RAPGEF1: variants seen among roughly 807,000 people sequenced by gnomAD.
The protein encoded by RAPGEF1 is CRK SH3-binding GNRP.
RAPGEF1 carries 33 observed loss-of-function variants against 143.3 expected under a neutral mutation model. The observed-to-expected ratio is 0.23, with a 90% CI of 0.17 to 0.31. RAPGEF1 has a LOEUF of 0.31. RAPGEF1 is among the 10% of genes least tolerant of loss of function. The probability of loss-of-function intolerance (pLI) is 1.00; values close to 1 mark genes in which losing one functional copy is unlikely to be tolerated. For synonymous variants in RAPGEF1, 629 were observed against 676.5 expected (o/e 0.93, Z 1.09); for missense variants, 1,199 against 1,645.4 (o/e 0.73, Z 4.69).
intron 1 of RAPGEF1, among the ~76,000 whole-genome samples, chr9:131,725,866 C>G (rs1157145739): frequency 6.7e-6 from 1 of 149,738 alleles, no homozygotes; most frequent in Non-Finnish European, 1.5e-5. Flanking sequence ...TCATGCCATT[C>G]TCCTGCCTCA....
chr9:131,689,626 C>T (rs940254463), intron 1 of RAPGEF1, among the ~76,000 whole-genome samples: 7 of 152,100 alleles, frequency 4.6e-5, no homozygotes, highest in African/African-American at 1.7e-4. Flanking sequence ...GCAACCTCTG[C>T]CTCCTGGGTT....
At chr9:131,664,615 T>C (rs1830138183) in intron 1 of RAPGEF1, among the ~76,000 whole-genome samples, 1 of 152,206 alleles carries the variant, frequency 6.6e-6, no homozygotes, top group Non-Finnish European at 1.5e-5. Context: ...TATCCTACAA[T>C]AAACACAAAA....
intron 1 of RAPGEF1, among the ~76,000 whole-genome samples, chr9:131,722,587 C>T (rs1223950478): frequency 1.3e-5 from 2 of 152,230 alleles, no homozygotes; most frequent in African/African-American, 2.4e-5. Flanking sequence ...CCAGGGACTT[C>T]CATCGGCCCC....
At chr9:131,581,579 G>A (rs1266395203) in intron 25 of RAPGEF1, among the ~76,000 whole-genome samples, 2 of 152,004 alleles carry the variant, frequency 1.3e-5, no homozygotes, top group African/African-American at 4.8e-5. Context: ...CATGCCTGTA[G>A]TCCCATCGAC....
intron 22 of RAPGEF1, among the ~76,000 whole-genome samples, chr9:131,585,362 A>AGCT (rs10657349): frequency 2.0e-5 from 3 of 146,364 alleles, no homozygotes; most frequent in Admixed American, 6.7e-5. Context: ...AATTTTTTGT[A>AGCT]GGGGGGGGGC....
At chr9:131,687,521 C>T (rs1466711882) in intron 1 of RAPGEF1, among the ~76,000 whole-genome samples, 7 of 152,150 alleles carry the variant, frequency 4.6e-5, no homozygotes, top group Admixed American at 2.0e-4. Context: ...TTCACTCCTC[C>T]CCAAAAGTCT....
rs1967977944 is a variant in RAPGEF1 at position 131,641,551 on chromosome 9, T to C, written c.494+1688A>G. Among the ~76,000 whole-genome samples, 1 of 152,228 alleles carries C rather than the reference T, an allele frequency of 6.6e-6. No individual in the cohort carries two copies. Among genetic ancestry groups the C allele is most frequent in the African/African-American group, 2.4e-5 (1 of 41,460 alleles). On this transcript the variant is annotated intron_variant, in intron 4 of 26. Coordinates refer to ENST00000683357, the MANE Select transcript of RAPGEF1 (RefSeq NM_001377935.1). This position sits in a 1 kb window ranked among gnomAD's most constrained non-coding sequence, Gnocchi z 4.6. Reference sequence around the variant, plus strand: ...CTTCCTCCCTGTACCGTAAAATAAGTGCTTTATCGTAGAACAGAGGGAGCT... The same window carrying C: ...CTTCCTCCCTGTACCGTAAAATAAGCGCTTTATCGTAGAACAGAGGGAGCT...
chr9:131,602,159 G>A lies in RAPGEF1; in HGVS notation c.2413-10C>T, dbSNP rs372876737. The stretch of plus-strand genomic sequence containing the variant: ...TCCCAGCCGGTGGCTCCTGGAAAGA[G>A]GAGTGGGTGCTGAGTTCTGGACAGG... On this transcript the variant is annotated splice_polypyrimidine_tract_variant and intron_variant, in intron 14 of 26. Coordinates refer to ENST00000683357, the MANE Select transcript of RAPGEF1 (RefSeq NM_001377935.1). 1 of 1,571,732 alleles carries A rather than the reference G, an allele frequency of 6.4e-7. No individual in the cohort carries two copies. Among genetic ancestry groups the A allele is most frequent in the East Asian group, 2.4e-5 (1 of 42,490 alleles).
chr9:131,677,570 T>C (rs1443363642), intron 1 of RAPGEF1, among the ~76,000 whole-genome samples: 2 of 152,236 alleles, frequency 1.3e-5, no homozygotes, highest in African/African-American at 4.8e-5. Flanking sequence ...TAGCAGTCCA[T>C]TTTGCTTCAG....
intron 1 of RAPGEF1, among the ~76,000 whole-genome samples, chr9:131,714,048 G>A (rs1019054549): frequency 2.6e-5 from 4 of 151,864 alleles, no homozygotes; most frequent in Non-Finnish European, 4.4e-5. Context: ...TGTACCTCAG[G>A]AATAATTTTT....
intron 1 of RAPGEF1, among the ~76,000 whole-genome samples, chr9:131,684,018 T>C (rs1009205094): frequency 1.3e-5 from 2 of 152,260 alleles, no homozygotes; most frequent in African/African-American, 4.8e-5. Flanking sequence ...TAATGAAATA[T>C]CTAATGCTAG....
In RAPGEF1 at chr9:131,579,581, A is replaced by T; in HGVS notation, c.3708T>A (p.Ala1236=). The change falls in exon 27 of 27, where the codon GCT becomes GCA. Residue 1236 remains alanine, a synonymous_variant. Transcript: ENST00000683357. ...NFFNDFSDHL[A]EEALWELSLK... ...GAGACAGTTCCCATAGGGCCTCCTC[A>T]GCCAGGTGGTCACTGAAGTCATTGA... 6.2e-7 allele frequency: 1 copy of T among 1,614,034 alleles called. No individual in the cohort carries two copies. Among genetic ancestry groups the T allele is most frequent in the South Asian group, 1.1e-5 (1 of 91,092 alleles).
chr9:131,597,069 C>G lies in RAPGEF1; in HGVS notation c.2614-696G>C, dbSNP rs577781653. ...AGCGTAGAGCCAAAAAGAGCTGTGACTAGGGCCAGGAACAGAGGTCCAGGA... is the reference window on the plus strand; with the variant it reads ...AGCGTAGAGCCAAAAAGAGCTGTGAGTAGGGCCAGGAACAGAGGTCCAGGA... On this transcript the variant is annotated intron_variant, in intron 16 of 26. Coordinates refer to ENST00000683357, the MANE Select transcript of RAPGEF1 (RefSeq NM_001377935.1). Among the ~76,000 whole-genome samples, 24 of 152,368 alleles carry G rather than the reference C, an allele frequency of 1.6e-4. No homozygotes were observed. The South Asian group carries it at 4.8e-3, about 30-fold the overall frequency.
In RAPGEF1 at chr9:131,579,353, C is replaced by A; in HGVS notation, c.*144G>T. 8.3e-7 allele frequency: 1 copy of A among 1,206,266 alleles called. No homozygotes were observed. The highest frequency in any genetic ancestry group is 1.5e-5 in the South Asian group (1 of 65,948). 74.7% of individuals were successfully genotyped at this position (1,206,266 alleles called of 1,614,324 possible). On this transcript the variant is annotated 3_prime_UTR_variant, in exon 27 of 27. Transcript: ENST00000683357. The stretch of plus-strand genomic sequence containing the variant: ...GAAGCGGCTGGCAGGCTCCAGCTCC[C>A]GCCCGGCCCCGCTGAGGGCTGGCCA...
chr9:131,665,281 C>T (rs370497693), intron 1 of RAPGEF1, among the ~76,000 whole-genome samples: 17 of 152,172 alleles, frequency 1.1e-4, no homozygotes, highest in African/African-American at 4.1e-4. Flanking sequence ...GTAAACAGGA[C>T]ATTTCACCCT....
Position 131,676,214 on chromosome 9 carries a change from G to A in RAPGEF1, c.62-25265C>T, listed in dbSNP as rs189976656. ...AACCTCCTTCTGCCCAAACTGAACA[G>A]CTTCTGAGGTGGGCATGGGCAGCCG... On this transcript the variant is annotated intron_variant, in intron 1 of 26. Coordinates refer to ENST00000683357, the MANE Select transcript of RAPGEF1 (RefSeq NM_001377935.1). 9.7e-3 allele frequency among the ~76,000 whole-genome samples: 1,476 copies of A among 152,310 alleles called. 25 individuals carry two copies. The highest frequency in any genetic ancestry group is 0.012 in the Non-Finnish European group (831 of 68,026).
chr9:131,627,976 G>A lies in RAPGEF1; in HGVS notation c.1138C>T (p.Gln380Ter). 1 of 1,592,506 alleles carries A rather than the reference G, an allele frequency of 6.3e-7. No homozygotes were observed. Among genetic ancestry groups the A allele is most frequent in the Non-Finnish European group, 8.6e-7 (1 of 1,169,582 alleles). The change falls in exon 9 of 27, where the codon CAG (glutamine) becomes TAG (stop). Residue 380 changes from glutamine to a stop codon, truncating the protein, a stop_gained. Transcript: ENST00000683357. LOFTEE classifies it high-confidence loss of function. ...CTGTCCCTGTCCAGAGAGGACAGCT[G>A]CTCGTCTGACTTGCTGAGCTTGCCT... is the stretch of plus-strand genomic sequence containing the variant. ...SIGKLSKSDE[Q>*]LSSLDRDSGQ... is the part of the protein sequence containing the mutation.
Position 131,587,846 on chromosome 9 carries a change from A to C in RAPGEF1, c.3139-16T>G. ...CCTCAGGAATCTACAAAAGGAAAGA[A>C]GGCAGATGGAGGTGGAGCCCCGGCT... On this transcript the variant is annotated splice_polypyrimidine_tract_variant and intron_variant, in intron 21 of 26. Coordinates refer to ENST00000683357, the MANE Select transcript of RAPGEF1 (RefSeq NM_001377935.1). 6.2e-7 allele frequency: 1 copy of C among 1,611,200 alleles called. No homozygotes were observed. Among genetic ancestry groups the C allele is most frequent in the East Asian group, 2.2e-5 (1 of 44,840 alleles).
chr9:131,717,807 C>CG (rs1391677551), intron 1 of RAPGEF1, among the ~76,000 whole-genome samples: 1 of 141,242 alleles, frequency 7.1e-6, no homozygotes, highest in Non-Finnish European at 1.5e-5. Context: ...GGAAAAAGAG[C>CG]GGGGGATGAG....
Sources: gnomAD v4.1 joint callset for allele counts (sites outside exome capture counted in the v4.1 genomes callset) on GRCh38, gnomAD v4.1.1 for gene constraint, Gnocchi (gnomAD v3.1) non-coding constraint, MANE v1.5 for transcripts, NCBI Gene and HGNC (gene_info 2026-07-23, HGNC 2026-07-21) for gene names.